The following DDX46 variants were observed in gnomAD, a reference collection of about 807,000 sequenced individuals.
DDX46 encodes the protein probable ATP-dependent RNA helicase DDX46.
A neutral mutation model predicts 134.9 loss-of-function variants in DDX46; 30 were observed. The ratio of observed to expected loss-of-function variants is 0.22; its 90% CI spans 0.17 to 0.30. DDX46 has a LOEUF of 0.30. Ranked by LOEUF, DDX46 falls within the 10% of genes least tolerant of loss-of-function variation. DDX46 has a pLI of 1.00. For missense variants in DDX46, 622 were observed against 1,248.7 expected, an observed-to-expected ratio of 0.50 and a Z score of 7.56; for synonymous variants, 415 against 404.1, an observed-to-expected ratio of 1.03 and a Z score of -0.32.
chr5:134,782,444 A>T (rs376479202), intron 8 of DDX46, among the ~76,000 whole-genome samples: 4 of 152,284 alleles, frequency 2.6e-5, no homozygotes, highest in African/African-American at 9.6e-5. Flanking sequence ...GTTTGAGACC[A>T]TCCTGGCCAA....
chr5:134,796,220 A>T lies in DDX46; in HGVS notation c.1954+70A>T, dbSNP rs1005995611. 8.5e-6 allele frequency: 13 copies of T among 1,520,652 alleles called. No individual in the cohort carries two copies. In the Middle Eastern group the frequency reaches 8.5e-4, roughly 99 times the overall value. 94.2% of individuals were successfully genotyped at this position (1,520,652 alleles called of 1,614,324 possible). A position where few individuals can be genotyped will look rare whatever the true frequency, so the allele number is the denominator to read the frequency against. On this transcript the variant is annotated intron_variant, in intron 15 of 22. Coordinates refer to ENST00000452510, the MANE Select transcript of DDX46 (RefSeq NM_001300860.2). ...TGCCAAGCATTGTGCTGTGTTCTCG[A>T]TGATACTTACTTTGTTCTCTATAAT...
intron 2 of DDX46, among the ~76,000 whole-genome samples, chr5:134,764,828 TC>T (rs1753510962): frequency 1.3e-5 from 2 of 149,900 alleles, no homozygotes; most frequent in Non-Finnish European, 3.0e-5. Flanking sequence ...CTTCCCTCCC[TC>T]CCTTCCTCCA....
chr5:134,812,213 C>T (rs1347743158), intron 18 of DDX46, among the ~76,000 whole-genome samples: 1 of 151,734 alleles, frequency 6.6e-6, no homozygotes, highest in Admixed American at 6.6e-5. Context: ...TACAGGCATC[C>T]ACCACCACGC....
chr5:134,820,848 T>C (rs1755422397), intron 21 of DDX46, among the ~76,000 whole-genome samples: 1 of 147,602 alleles, frequency 6.8e-6, no homozygotes, highest in South Asian at 2.1e-4. Flanking sequence ...GTTAGAGTAA[T>C]CTTTTCTTTT....
At chr5:134,822,167 C>T (rs578233450) in intron 21 of DDX46, among the ~76,000 whole-genome samples, 5 of 152,330 alleles carry the variant, frequency 3.3e-5, no homozygotes, top group African/African-American at 9.6e-5. Context: ...GCCTGGGCCA[C>T]CGTGCCCAGC....
At chr5:134,771,665 G>A (rs1444371342) in intron 4 of DDX46, among the ~76,000 whole-genome samples, 1 of 151,690 alleles carries the variant, frequency 6.6e-6, no homozygotes, top group African/African-American at 2.4e-5. Context: ...TTGGGCCACT[G>A]TACTCCAGCC....
chr5:134,789,389 CAG>C (rs1253450553), intron 12 of DDX46: 1 of 152,146 alleles, frequency 6.6e-6, no homozygotes, highest in African/African-American at 2.4e-5. Context: ...AAAATGCTCT[CAG>C]AGGTTTCCAT....
At chr5:134,783,815 C>G (rs1754246050) in intron 9 of DDX46, among the ~76,000 whole-genome samples, 1 of 149,284 alleles carries the variant, frequency 6.7e-6, no homozygotes, top group Non-Finnish European at 1.5e-5. Flanking sequence ...TCTGAAAGTA[C>G]TGGGATTACA....
chr5:134,759,960 A>G (rs1014633450), intron 1 of DDX46, among the ~76,000 whole-genome samples: 1 of 152,168 alleles, frequency 6.6e-6, no homozygotes, highest in African/African-American at 2.4e-5. Flanking sequence ...AGCCTGTTAG[A>G]TTCTACATCC....
intron 21 of DDX46, among the ~76,000 whole-genome samples, chr5:134,823,375 G>A (rs1393154787): frequency 1.3e-5 from 2 of 151,934 alleles, no homozygotes; most frequent in Admixed American, 6.6e-5. Flanking sequence ...TCCTGACCTC[G>A]TGATCCTCCT....
intron 1 of DDX46, among the ~76,000 whole-genome samples, chr5:134,761,755 CATT>C (rs1027490536): frequency 1.3e-5 from 2 of 152,190 alleles, no homozygotes; most frequent in Non-Finnish European, 2.9e-5. Flanking sequence ...TTTAGTTCAT[CATT>C]AAATCCCATC....
intron 1 of DDX46, among the ~76,000 whole-genome samples, chr5:134,763,199 C>T (rs576453375): frequency 3.9e-5 from 6 of 152,272 alleles, no homozygotes; most frequent in Admixed American, 2.0e-4. Context: ...CATCACTGCA[C>T]TCTATCCTGG....
Position 134,773,691 on chromosome 5 carries a change from C to G in DDX46, c.448-5C>G. On this transcript the variant is annotated splice_polypyrimidine_tract_variant and splice_region_variant and intron_variant, in intron 4 of 22. Transcript: ENST00000452510. ...CCATCTCTTTCTTTCTTTTATTCCC[C>G]CAAGAACTTTGACCAGAATAAGCTG... is the stretch of plus-strand genomic sequence containing the variant. 1.9e-6 allele frequency: 3 copies of G among 1,578,284 alleles called. No individual in the cohort carries two copies. Among genetic ancestry groups the G allele is most frequent in the South Asian group, 1.2e-5 (1 of 84,820 alleles).
In DDX46 at chr5:134,816,597, G is replaced by A; in HGVS notation, c.2604G>A (p.Glu868=). ...ATGCCCAGAAGAATTTGGGCATCGA[G>A]TCTCAGGTATTAAGTAATTTGTTCC... ...RINAQKNLGI[E]SQVDVMQQAT... Residue 868 remains glutamate (E), a synonymous_variant, in exon 19 of 23, where the codon GAG becomes GAA. Transcript: ENST00000452510. The A allele has an allele frequency of 1.2e-6, 2 of 1,612,900 alleles. No individual in the cohort carries two copies. The highest frequency in any genetic ancestry group is 1.7e-6 in the Non-Finnish European group (2 of 1,179,812).
chr5:134,802,163 T>C (rs369925814), intron 15 of DDX46, among the ~76,000 whole-genome samples: 362 of 142,890 alleles, frequency 2.5e-3, no homozygotes, highest in African/African-American at 7.6e-3. Flanking sequence ...TTCTTTCTTT[T>C]TTTTTTTTTT....
chr5:134,765,782 A>G (rs1348859556), intron 2 of DDX46, among the ~76,000 whole-genome samples: 3 of 152,156 alleles, frequency 2.0e-5, no homozygotes, highest in African/African-American at 4.8e-5. Flanking sequence ...CTTTTCAGAC[A>G]TTGGAGTACA....
chr5:134,808,078 T>TG (rs1755039766), intron 16 of DDX46, 137 bp downstream of exon 16: 5 of 812,508 alleles, frequency 6.2e-6, no homozygotes, highest in Non-Finnish European at 9.1e-6. Flanking sequence ...GAGTGGTTGA[T>TG]GTTAATAATT....
chr5:134,816,824 T>C lies in DDX46; in HGVS notation c.2613+218T>C, dbSNP rs1189674440. 1.0e-5 allele frequency: 5 copies of C among 498,906 alleles called. No individual in the cohort carries two copies. In the East Asian group the frequency reaches 1.9e-4, roughly 19 times the overall value. 30.9% of individuals were successfully genotyped at this position (498,906 alleles called of 1,614,324 possible). A position where few individuals can be genotyped will look rare whatever the true frequency, so the allele number is the denominator to read the frequency against. ...GGCCTATTCTGGAATTTCTAACTGT[T>C]AGCCACTGGTAGTTTTATAGGGTAG... On this transcript the variant is annotated intron_variant, in intron 19 of 22. Transcript: ENST00000452510.
intron 1 of DDX46, among the ~76,000 whole-genome samples, chr5:134,760,894 T>G (rs1254057824): frequency 6.6e-6 from 1 of 152,026 alleles, no homozygotes; most frequent in Non-Finnish European, 1.5e-5. Flanking sequence ...CGCGTCAGGC[T>G]AATTTTTGTA....
Sources: gnomAD v4.1 joint callset for allele counts (sites outside exome capture counted in the v4.1 genomes callset) on GRCh38, gnomAD v4.1.1 for gene constraint, MANE v1.5 for transcripts, NCBI Gene and HGNC (gene_info 2026-07-23, HGNC 2026-07-21) for gene names.